CCBE1: variants seen among roughly 807,000 people sequenced by gnomAD.
CCBE1 encodes collagen and calcium binding EGF domains 1.
CCBE1 carries 37 observed loss-of-function variants against 50.0 expected under a neutral mutation model. That is an observed-to-expected ratio of 0.74 (90% CI 0.57 to 0.97). The LOEUF (loss-of-function observed/expected upper bound fraction) is 0.97. CCBE1 is among the 50% of genes least tolerant of loss of function. The pLI is 0.00. For missense variants in CCBE1, 538 were observed against 523.8 expected (o/e 1.03, Z -0.26); for synonymous variants, 234 against 203.7 (o/e 1.15, Z -1.27).
At chr18:59,440,804 CAGG>C (rs1185774737) in intron 7 of CCBE1, among the ~76,000 whole-genome samples, 5 of 152,168 alleles carry the variant, frequency 3.3e-5, no homozygotes, top group Admixed American at 3.3e-4. Flanking sequence ...GCAGCTGGAG[CAGG>C]AGAACTGAAA....
chr18:59,465,492 G>A (rs1417495505), intron 5 of CCBE1: 5 of 152,156 alleles, frequency 3.3e-5, no homozygotes, highest in Non-Finnish European at 7.3e-5. Context: ...CCGACATAAT[G>A]TAAATCAGCT....
intron 3 of CCBE1, among the ~76,000 whole-genome samples, chr18:59,476,875 C>T (rs994604886): frequency 6.6e-6 from 1 of 152,190 alleles, no homozygotes; most frequent in Admixed American, 6.5e-5. Context: ...TGGTTTGTCC[C>T]ATAACCAGGA....
intron 2 of CCBE1, among the ~76,000 whole-genome samples, chr18:59,621,439 G>A (rs908623309): frequency 2.6e-5 from 4 of 152,192 alleles, no homozygotes; most frequent in African/African-American, 9.7e-5. Flanking sequence ...CCACCCAGTG[G>A]AGCTGCTCAT....
intron 2 of CCBE1, among the ~76,000 whole-genome samples, chr18:59,480,753 A>T (rs1358530731): frequency 6.7e-6 from 1 of 149,990 alleles, no homozygotes; most frequent in Non-Finnish European, 1.5e-5. Flanking sequence ...CATTTGAGTG[A>T]TTTTTTTTTT....
intron 2 of CCBE1, among the ~76,000 whole-genome samples, chr18:59,648,973 A>G (rs1052654786): frequency 2.0e-5 from 3 of 152,226 alleles, no homozygotes; most frequent in African/African-American, 7.2e-5. Context: ...GCATACATCT[A>G]CATCTGATCC....
chr18:59,606,521 CA>C (rs2053501072), intron 2 of CCBE1, among the ~76,000 whole-genome samples: 1 of 152,178 alleles, frequency 6.6e-6, no homozygotes, highest in South Asian at 2.1e-4. Context: ...CTTTACTCTT[CA>C]AAGATAACAT....
intron 2 of CCBE1, among the ~76,000 whole-genome samples, chr18:59,610,270 G>A (rs1568232699): frequency 1.3e-5 from 2 of 152,132 alleles, no homozygotes; most frequent in African/African-American, 2.4e-5. Flanking sequence ...ATCTTAAGCT[G>A]GGTTTTGGAT....
chr18:59,622,012 C>T (rs896667753), intron 2 of CCBE1, among the ~76,000 whole-genome samples: 30 of 152,204 alleles, frequency 2.0e-4, no homozygotes, highest in African/African-American at 6.8e-4. Context: ...GCAAAGAAGT[C>T]TGCTTAATGT....
chr18:59,674,094 C>A (rs2054467958), intron 2 of CCBE1, among the ~76,000 whole-genome samples: 1 of 152,056 alleles, frequency 6.6e-6, no homozygotes, highest in South Asian at 2.1e-4. Context: ...GGTTGGTAGG[C>A]TATTAATTGC....
At chr18:59,618,626 C>T (rs894787032) in intron 2 of CCBE1, among the ~76,000 whole-genome samples, 4 of 151,996 alleles carry the variant, frequency 2.6e-5, no homozygotes, top group African/African-American at 9.7e-5. Flanking sequence ...TGGGGTTTTG[C>T]CATGTTGGCC....
At chr18:59,545,236 T>C (rs1915634256) in intron 2 of CCBE1, among the ~76,000 whole-genome samples, 3 of 142,188 alleles carry the variant, frequency 2.1e-5, no homozygotes, top group Admixed American at 7.0e-5. Flanking sequence ...TATATCCATA[T>C]ACAAACATTT....
Position 59,464,331 on chromosome 18 carries a change from G to A in CCBE1, c.553+2408C>T, listed in dbSNP as rs540106425. Among the ~76,000 whole-genome samples, 7 of 152,308 alleles carry A rather than the reference G, an allele frequency of 4.6e-5. No homozygotes were observed. The East Asian group carries it at 1.4e-3, about 29-fold the overall frequency. On this transcript the variant is annotated intron_variant, in intron 5 of 10. Coordinates refer to ENST00000439986, the MANE Select transcript of CCBE1 (RefSeq NM_133459.4). The stretch of plus-strand genomic sequence containing the variant: ...TAATCCCAGATACTTGGGAGGCTGA[G>A]GCAGGAGAGCCCCTTGAACCCGGGA...
intron 5 of CCBE1, among the ~76,000 whole-genome samples, chr18:59,458,595 G>C (rs10469219): frequency 0.19 from 28,683 of 152,192 alleles, 2,799 homozygotes; most frequent in Admixed American, 0.21. Context: ...ATGACAGTGA[G>C]ATCCAGAGAG....
At chr18:59,659,471 C>G (rs1389135987) in intron 2 of CCBE1, among the ~76,000 whole-genome samples, 2 of 152,152 alleles carry the variant, frequency 1.3e-5, no homozygotes, top group African/African-American at 2.4e-5. Context: ...AGAAATCTCC[C>G]TGTTATTTCT....
At chr18:59,496,105 G>T (rs552999542) in intron 2 of CCBE1, among the ~76,000 whole-genome samples, 1 of 152,172 alleles carries the variant, frequency 6.6e-6, no homozygotes, top group South Asian at 2.1e-4. Flanking sequence ...AATTTTAAGA[G>T]ATAGTGCCTT....
Position 59,597,462 on chromosome 18 carries a change from A to G in CCBE1, c.212+99167T>C, listed in dbSNP as rs112990313. On this transcript the variant is annotated intron_variant, in intron 2 of 10. Transcript: ENST00000439986. ...ATTTAATCTTTACAGCAAATCCATG[A>G]GAAATTCCCATCTCCTTCCTTCTTG... Among the ~76,000 whole-genome samples, 817 of 152,262 alleles carry G rather than the reference A, an allele frequency of 5.4e-3. 11 individuals carry two copies. Among genetic ancestry groups the G allele is most frequent in the African/African-American group, 0.019 (769 of 41,562 alleles).
chr18:59,651,466 T>C (rs558883956), intron 2 of CCBE1, among the ~76,000 whole-genome samples: 1 of 152,350 alleles, frequency 6.6e-6, no homozygotes, highest in African/African-American at 2.4e-5. Flanking sequence ...TTAGCTCCTT[T>C]TTCTGTGAGG....
intron 2 of CCBE1, among the ~76,000 whole-genome samples, chr18:59,530,133 G>A (rs1022178638): frequency 6.6e-6 from 1 of 152,114 alleles, no homozygotes; most frequent in African/African-American, 2.4e-5. Context: ...TGTGGATTCT[G>A]TGTGTTTATA....
intron 2 of CCBE1, among the ~76,000 whole-genome samples, chr18:59,518,624 C>T (rs567042519): frequency 2.0e-5 from 3 of 152,274 alleles, no homozygotes; most frequent in Admixed American, 2.0e-4. Context: ...TAAAATGGCA[C>T]AGAAGAGTAC....
Sources: allele counts gnomAD v4.1 joint callset (sites outside exome capture counted in the v4.1 genomes callset), GRCh38; gene constraint gnomAD v4.1.1; transcripts MANE v1.5; gene names NCBI Gene and HGNC (gene_info 2026-07-23, HGNC 2026-07-21).